The following CSMD1 variants were observed in gnomAD, a reference collection of about 807,000 sequenced individuals.
The protein encoded by CSMD1 is CUB and sushi domain-containing protein 1.
In CSMD1, 213 loss-of-function variants were observed where a neutral mutation model predicts 417.5. The ratio of observed to expected loss-of-function variants is 0.51; its 90% CI spans 0.46 to 0.57. The LOEUF is 0.57. Among genes scored for constraint, CSMD1 ranks in the 20% least tolerant of loss-of-function variants. CSMD1 has a pLI of 0.00. For synonymous variants in CSMD1, 2,862 were observed against 1,736.8 expected (o/e 1.65, Z -16.11); for missense variants, 6,923 against 4,529.7 (o/e 1.53, Z -15.17).
chr8:4,818,347 C>G (rs775886476), intron 1 of CSMD1, among the ~76,000 whole-genome samples: 1 of 152,122 alleles, frequency 6.6e-6, no homozygotes, highest in Non-Finnish European at 1.5e-5. Context: ...GCATTGCCTG[C>G]CACAGTTTAA....
At chr8:3,304,998 T>A (rs1388114349) in intron 25 of CSMD1, among the ~76,000 whole-genome samples, 10 of 152,194 alleles carry the variant, frequency 6.6e-5, no homozygotes, top group African/African-American at 2.4e-4. Context: ...TTTACATTAC[T>A]CAAATCTAGC....
At chr8:4,507,588 T>C (rs778339936) in intron 2 of CSMD1, among the ~76,000 whole-genome samples, 1 of 152,176 alleles carries the variant, frequency 6.6e-6, no homozygotes, top group African/African-American at 2.4e-5. Context: ...TAGTGGCTTA[T>C]ATAATGGGCC....
intron 5 of CSMD1, among the ~76,000 whole-genome samples, chr8:3,939,721 C>G (rs892099102): frequency 1.3e-5 from 2 of 152,090 alleles, no homozygotes; most frequent in African/African-American, 4.8e-5. Flanking sequence ...TTTGCAGCAA[C>G]TTGGATGAAC....
chr8:4,302,078 A>G (rs1395302985), intron 3 of CSMD1, among the ~76,000 whole-genome samples: 1 of 152,228 alleles, frequency 6.6e-6, no homozygotes, highest in Non-Finnish European at 1.5e-5. Context: ...AAACTTTATG[A>G]AGACCCCTTG....
At chr8:3,866,268 A>G (rs1805097624) in intron 5 of CSMD1, among the ~76,000 whole-genome samples, 1 of 152,240 alleles carries the variant, frequency 6.6e-6, no homozygotes, top group African/African-American at 2.4e-5. Flanking sequence ...ACCTATAAAC[A>G]ACATTTTTAA....
chr8:3,575,417 G>C (rs910489050), intron 9 of CSMD1, among the ~76,000 whole-genome samples: 2 of 152,118 alleles, frequency 1.3e-5, no homozygotes, highest in African/African-American at 4.8e-5. Context: ...AGGTGTCGTT[G>C]TTCAGAGAGT....
intron 10 of CSMD1, among the ~76,000 whole-genome samples, chr8:3,502,659 G>A (rs1435068531): frequency 6.6e-6 from 1 of 152,174 alleles, no homozygotes; most frequent in Non-Finnish European, 1.5e-5. Flanking sequence ...TTCGGAGAAG[G>A]CAGAACTATG....
chr8:3,251,816 C>T (rs540554273), intron 26 of CSMD1, among the ~76,000 whole-genome samples: 2 of 152,266 alleles, frequency 1.3e-5, no homozygotes, highest in African/African-American at 2.4e-5. Flanking sequence ...ATTTTATTCT[C>T]TTTGAAGCAG....
intron 3 of CSMD1, among the ~76,000 whole-genome samples, chr8:4,164,840 C>T (rs1422797538): frequency 2.7e-5 from 4 of 150,638 alleles, no homozygotes; most frequent in Non-Finnish European, 5.9e-5. Context: ...TGTGCCACTG[C>T]ACTCCAAGCC....
intron 5 of CSMD1, among the ~76,000 whole-genome samples, chr8:3,913,221 G>A (rs530974901): frequency 3.3e-5 from 5 of 152,264 alleles, no homozygotes; most frequent in Admixed American, 6.5e-5. Flanking sequence ...AGATATCAGG[G>A]TTGGAATAAA....
chr8:3,335,046 G>T (rs924878576), intron 23 of CSMD1, among the ~76,000 whole-genome samples: 1 of 152,312 alleles, frequency 6.6e-6, no homozygotes, highest in Middle Eastern at 3.4e-3. Context: ...TTCTGATACA[G>T]CTCATGGCAG....
At chr8:3,022,414 C>T (rs1021452353) in intron 51 of CSMD1, among the ~76,000 whole-genome samples, 2 of 152,354 alleles carry the variant, frequency 1.3e-5, no homozygotes, top group Middle Eastern at 3.4e-3. Flanking sequence ...CGTGCAATCC[C>T]ACATCGACAG....
chr8:3,082,536 A>G (rs114532162), intron 49 of CSMD1, among the ~76,000 whole-genome samples: 140 of 152,316 alleles, frequency 9.2e-4, no homozygotes, highest in African/African-American at 3.3e-3. Context: ...CTCCCTCCGG[A>G]CTAGCAGAGC....
chr8:4,154,132 G>C (rs1027809537), intron 3 of CSMD1, among the ~76,000 whole-genome samples: 1 of 152,154 alleles, frequency 6.6e-6, no homozygotes, highest in African/African-American at 2.4e-5. Flanking sequence ...ATCTGCGACA[G>C]CTGAGGGTGA....
At chr8:3,356,771 G>A (rs1055156708) in intron 21 of CSMD1, among the ~76,000 whole-genome samples, 1 of 152,238 alleles carries the variant, frequency 6.6e-6, no homozygotes, top group African/African-American at 2.4e-5. Context: ...CTGTGGGCCT[G>A]AGAGGGCTCC....
At chr8:3,935,595 T>A (rs1315984557) in intron 5 of CSMD1, among the ~76,000 whole-genome samples, 2 of 152,084 alleles carry the variant, frequency 1.3e-5, no homozygotes, top group Admixed American at 1.3e-4. Context: ...CATCAGTAAT[T>A]TTTGTTGTAA....
chr8:4,417,997 G>C (rs1422082356), intron 3 of CSMD1, among the ~76,000 whole-genome samples: 1 of 151,774 alleles, frequency 6.6e-6, no homozygotes, highest in African/African-American at 2.4e-5. Flanking sequence ...GACTATAATT[G>C]ATAATTTTTC....
intron 12 of CSMD1, among the ~76,000 whole-genome samples, chr8:3,456,003 G>A (rs1294921285): frequency 6.6e-6 from 1 of 152,048 alleles, no homozygotes; most frequent in Non-Finnish European, 1.5e-5. Flanking sequence ...CTCAAGCCTG[G>A]GCAATGGTGG....
At chr8:3,838,966 A>G (rs1450462801) in intron 5 of CSMD1, among the ~76,000 whole-genome samples, 2 of 99,768 alleles carry the variant, frequency 2.0e-5, no homozygotes, top group Non-Finnish European at 3.6e-5. Flanking sequence ...ATAAATTAAT[A>G]TTATATATAA....
Sources: allele counts gnomAD v4.1 joint callset (sites outside exome capture counted in the v4.1 genomes callset), GRCh38; gene constraint gnomAD v4.1.1; transcripts MANE v1.5; gene names NCBI Gene and HGNC (gene_info 2026-07-23, HGNC 2026-07-21).